The following TMEM135 variants were observed in gnomAD, a reference collection of about 807,000 sequenced individuals.
TMEM135 encodes the protein transmembrane protein 135.
Under a neutral mutation model 60.3 loss-of-function variants are expected in TMEM135, and 30 were observed. The observed-to-expected ratio is 0.50, with a 90% CI of 0.37 to 0.68. The LOEUF is 0.68. Ranked by LOEUF, TMEM135 falls within the 30% of genes least tolerant of loss-of-function variation. The probability of loss-of-function intolerance (pLI) is 0.00; values close to 1 mark genes in which losing one functional copy is unlikely to be tolerated. For synonymous variants in TMEM135, 190 were observed against 186.7 expected (o/e 1.02, Z -0.14); for missense variants, 468 against 548.8 (o/e 0.85, Z 1.47).
At chr11:87,241,090 T>C (rs1464741951) in intron 6 of TMEM135, among the ~76,000 whole-genome samples, 1 of 152,156 alleles carries the variant, frequency 6.6e-6, no homozygotes, top group African/African-American at 2.4e-5. Context: ...TGTGAAGGCA[T>C]AAATAAATGA....
chr11:87,193,302 A>G (rs1336583243), intron 5 of TMEM135, among the ~76,000 whole-genome samples: 1 of 152,140 alleles, frequency 6.6e-6, no homozygotes, highest in Non-Finnish European at 1.5e-5. Flanking sequence ...TATTTAGGAG[A>G]TACTTGAAAA....
chr11:87,247,803 C>T (rs1288206291), intron 6 of TMEM135, among the ~76,000 whole-genome samples: 4 of 152,150 alleles, frequency 2.6e-5, no homozygotes, highest in African/African-American at 7.2e-5. Flanking sequence ...ATCCCTTGTG[C>T]TTCCCAAGTG....
intron 6 of TMEM135, among the ~76,000 whole-genome samples, chr11:87,249,185 G>C (rs558207716): frequency 6.6e-6 from 1 of 152,090 alleles, no homozygotes; most frequent in Non-Finnish European, 1.5e-5. Flanking sequence ...TAGAAGAAAG[G>C]CTTTCAGTTT....
intron 5 of TMEM135, among the ~76,000 whole-genome samples, chr11:87,158,638 T>C (rs1591064193): frequency 1.6e-5 from 1 of 61,434 alleles, no homozygotes. Context: ...ATTTTTTGTA[T>C]TTTTTTTACT....
intron 6 of TMEM135, among the ~76,000 whole-genome samples, chr11:87,245,296 G>A (rs1941240766): frequency 1.3e-5 from 2 of 148,180 alleles, no homozygotes; most frequent in South Asian, 2.2e-4. Flanking sequence ...TGGAATAGGT[G>A]TGGTGTGGTG....
At chr11:87,312,049 T>C (rs1018831150) in intron 10 of TMEM135, among the ~76,000 whole-genome samples, 6 of 151,940 alleles carry the variant, frequency 3.9e-5, no homozygotes, top group Non-Finnish European at 8.8e-5. Context: ...TGTCTTCTAA[T>C]TGGCATGTTT....
At position 87,187,820 on chromosome 11, in the gene TMEM135, A is replaced by C. The variant is rs562402458; in HGVS notation, c.462+30414A>C. On this transcript the variant is annotated intron_variant, in intron 5 of 14. Transcript: ENST00000305494. The stretch of plus-strand genomic sequence containing the variant: ...ACAACTTCTTGTTGTTTGTGGGAAA[A>C]TAAGCAAAATCAGATTCTTTTACCG... Among the ~76,000 whole-genome samples, 52 of 152,304 alleles carry C rather than the reference A, an allele frequency of 3.4e-4. No individual in the cohort carries two copies. In the South Asian group the frequency reaches 8.5e-3, roughly 25 times the overall value.
At chr11:87,222,352 G>T (rs1421638663) in intron 5 of TMEM135, among the ~76,000 whole-genome samples, 1 of 143,916 alleles carries the variant, frequency 6.9e-6, no homozygotes, top group Non-Finnish European at 1.5e-5. Flanking sequence ...AAAAAAATTC[G>T]CTGGGCGTGG....
chr11:87,261,293 A>G (rs939593058), intron 6 of TMEM135, among the ~76,000 whole-genome samples: 3 of 152,184 alleles, frequency 2.0e-5, no homozygotes, highest in African/African-American at 7.2e-5. Context: ...GCCAAAATAC[A>G]TATTCTGCCT....
intron 1 of TMEM135, among the ~76,000 whole-genome samples, chr11:87,062,579 C>G (rs1329052813): frequency 2.6e-5 from 4 of 151,748 alleles, no homozygotes; most frequent in Admixed American, 6.6e-5. Flanking sequence ...ATTCTCCTGC[C>G]TCAGCCTCCT....
chr11:87,171,343 T>TTG (rs1219560409), intron 5 of TMEM135, among the ~76,000 whole-genome samples: 5 of 61,996 alleles, frequency 8.1e-5, no homozygotes, highest in South Asian at 1.3e-3. Flanking sequence ...GTAGTGTTTT[T>TTG]TTTTTTTTTA....
chr11:87,039,632 C>T (rs992888037), intron 1 of TMEM135, among the ~76,000 whole-genome samples: 29 of 152,102 alleles, frequency 1.9e-4, no homozygotes, highest in African/African-American at 6.8e-4. Context: ...TGCAGTGGCG[C>T]AATCACGGCT....
intron 5 of TMEM135, among the ~76,000 whole-genome samples, chr11:87,218,891 G>C (rs1940559458): frequency 2.0e-5 from 3 of 152,164 alleles, no homozygotes; most frequent in South Asian, 2.1e-4. Context: ...GAACCCAGGA[G>C]GCAGAGGTTG....
At chr11:87,094,482 C>A (rs1431806470) in intron 4 of TMEM135, among the ~76,000 whole-genome samples, 1 of 152,142 alleles carries the variant, frequency 6.6e-6, no homozygotes, top group Non-Finnish European at 1.5e-5. Context: ...ATTACTTCTT[C>A]TCCCCTTTTT....
intron 1 of TMEM135, among the ~76,000 whole-genome samples, chr11:87,038,574 A>G (rs184403185): frequency 1.3e-3 from 193 of 145,166 alleles, no homozygotes; most frequent in African/African-American, 4.6e-3. Flanking sequence ...AGGACCTGCA[A>G]TCTTTCCTCA....
intron 4 of TMEM135, among the ~76,000 whole-genome samples, chr11:87,133,741 T>A (rs1336382833): frequency 6.6e-6 from 1 of 152,178 alleles, no homozygotes; most frequent in Non-Finnish European, 1.5e-5. Flanking sequence ...GCTGTCACCA[T>A]GGATTAGTTT....
chr11:87,199,942 A>G (rs1013315659), intron 5 of TMEM135, among the ~76,000 whole-genome samples: 6 of 152,108 alleles, frequency 3.9e-5, no homozygotes, highest in Admixed American at 2.0e-4. Flanking sequence ...AAATAAATAA[A>G]TACATAACTT....
chr11:87,273,232 C>T (rs1227080457), intron 6 of TMEM135, among the ~76,000 whole-genome samples: 1 of 152,122 alleles, frequency 6.6e-6, no homozygotes, highest in Middle Eastern at 3.2e-3. Context: ...CTGGACAAGA[C>T]ACTTTGCTAA....
At position 87,322,403 on chromosome 11, in the gene TMEM135, A is replaced by G. The variant is rs1390120616; in HGVS notation, c.*1070A>G. On this transcript the variant is annotated 3_prime_UTR_variant, in exon 15 of 15. Transcript: ENST00000305494. ...TTCTCCAACCTTCTTCTTGAATATC[A>G]TTGTCACCATTTTTACTGTTAGAAT... 1 of 453,820 alleles carries G rather than the reference A, an allele frequency of 2.2e-6. No individual in the cohort carries two copies. Among genetic ancestry groups the G allele is most frequent in the Non-Finnish European group, 4.4e-6 (1 of 226,742 alleles). 28.1% of individuals were successfully genotyped at this position (453,820 alleles called of 1,614,324 possible).
Sources: allele counts gnomAD v4.1 joint callset (sites outside exome capture counted in the v4.1 genomes callset), GRCh38; gene constraint gnomAD v4.1.1; transcripts MANE v1.5; gene names NCBI Gene and HGNC (gene_info 2026-07-23, HGNC 2026-07-21).